The following UNC5D variants were observed in gnomAD, a reference collection of about 807,000 sequenced individuals.
UNC5D encodes the protein unc-5 netrin receptor D.
A neutral mutation model predicts 105.4 loss-of-function variants in UNC5D; 39 were observed. That is an observed-to-expected ratio of 0.37 (90% CI 0.29 to 0.48). The LOEUF (loss-of-function observed/expected upper bound fraction) is 0.48, where lower values mean the gene tolerates loss of function less well. Ranked by LOEUF, UNC5D falls within the 20% of genes least tolerant of loss-of-function variation. The pLI is 0.98. For synonymous variants in UNC5D, 452 were observed against 450.4 expected (o/e 1.00, Z -0.04); for missense variants, 991 against 1,202.4 (o/e 0.82, Z 2.60).
At chr8:35,433,739 C>G (rs1317351638) in intron 1 of UNC5D, among the ~76,000 whole-genome samples, 1 of 151,380 alleles carries the variant, frequency 6.6e-6, no homozygotes, top group East Asian at 2.0e-4. Context: ...ATCCCAGCTA[C>G]TTAGGAGGCT....
chr8:35,536,104 G>A (rs531951691), intron 1 of UNC5D, among the ~76,000 whole-genome samples: 10 of 152,284 alleles, frequency 6.6e-5, no homozygotes, highest in African/African-American at 2.4e-4. Flanking sequence ...AATATTTTGT[G>A]CTTCAAATAC....
intron 4 of UNC5D, among the ~76,000 whole-genome samples, chr8:35,603,349 A>G (rs199719614): frequency 2.0e-5 from 3 of 152,040 alleles, no homozygotes; most frequent in Non-Finnish European, 2.9e-5. Flanking sequence ...GTAGTTGAGC[A>G]GTTTTGAGTG....
At chr8:35,507,610 T>C (rs1300430179) in intron 1 of UNC5D, among the ~76,000 whole-genome samples, 9 of 148,224 alleles carry the variant, frequency 6.1e-5, no homozygotes, top group Non-Finnish European at 1.3e-4. Flanking sequence ...CTGGGAAGAG[T>C]AGTGGGGTGA....
At chr8:35,622,343 AAAACAAAC>A (rs201722040) in intron 4 of UNC5D, among the ~76,000 whole-genome samples, 1 of 152,038 alleles carries the variant, frequency 6.6e-6, no homozygotes, top group South Asian at 2.1e-4. Context: ...ACTCTGTCTC[AAAACAAAC>A]AAACAAACAA....
chr8:35,309,300 C>T (rs145556963), intron 1 of UNC5D, among the ~76,000 whole-genome samples: 213 of 152,266 alleles, frequency 1.4e-3, no homozygotes, highest in African/African-American at 5.0e-3. Flanking sequence ...GATTTCTAGC[C>T]CTACTTCCCC....
chr8:35,747,861 G>T (rs921678317), intron 11 of UNC5D, among the ~76,000 whole-genome samples: 3 of 152,172 alleles, frequency 2.0e-5, no homozygotes, highest in Non-Finnish European at 4.4e-5. Context: ...ACCAGGTTTG[G>T]ATTGAATGAT....
At chr8:35,512,501 T>TAC (rs1334838727) in intron 1 of UNC5D, among the ~76,000 whole-genome samples, 1 of 117,784 alleles carries the variant, frequency 8.5e-6, no homozygotes. Flanking sequence ...TATATATATA[T>TAC]ATATATATCT....
intron 7 of UNC5D, among the ~76,000 whole-genome samples, chr8:35,699,874 T>C (rs1249728924): frequency 6.6e-6 from 1 of 152,178 alleles, no homozygotes; most frequent in Non-Finnish European, 1.5e-5. Flanking sequence ...AAGAGTCAAA[T>C]CTAGAGATGG....
intron 1 of UNC5D, among the ~76,000 whole-genome samples, chr8:35,308,843 T>G (rs1466658818): frequency 1.3e-5 from 2 of 152,116 alleles, no homozygotes; most frequent in Non-Finnish European, 2.9e-5. Flanking sequence ...CATGGTAAAT[T>G]CTGTAAATTG....
Position 35,608,272 on chromosome 8 carries a change from G to A in UNC5D, c.570+12615G>A, listed in dbSNP as rs193161633. ...AAACTAATTCCAAGGAGCAGCTGGG[G>A]CTTTAGGGTAGTTTAAAACAGAAAT... On this transcript the variant is annotated intron_variant, in intron 4 of 16. Transcript: ENST00000404895. Among the ~76,000 whole-genome samples the A allele has an allele frequency of 8.5e-5, 13 of 152,284 alleles. No homozygotes were observed. In the East Asian group the frequency reaches 2.5e-3, roughly 29 times the overall value.
At chr8:35,370,130 CTG>C (rs1802345922) in intron 1 of UNC5D, among the ~76,000 whole-genome samples, 1 of 152,112 alleles carries the variant, frequency 6.6e-6, no homozygotes, top group South Asian at 2.1e-4. Context: ...TAAATTGTAT[CTG>C]TGGTCTTTCA....
intron 1 of UNC5D, among the ~76,000 whole-genome samples, chr8:35,366,021 T>C (rs759301943): frequency 1.3e-5 from 2 of 152,120 alleles, no homozygotes; most frequent in Admixed American, 6.6e-5. Context: ...AAACAAATTA[T>C]AAGACATTTG....
At chr8:35,384,259 T>C (rs565645192) in intron 1 of UNC5D, among the ~76,000 whole-genome samples, 1 of 151,782 alleles carries the variant, frequency 6.6e-6, no homozygotes, top group Middle Eastern at 3.4e-3. Context: ...TAAAATAATA[T>C]GGTCTTATAT....
At chr8:35,408,346 T>G (rs778007280) in intron 1 of UNC5D, among the ~76,000 whole-genome samples, 6 of 151,772 alleles carry the variant, frequency 4.0e-5, no homozygotes, top group Non-Finnish European at 7.4e-5. Context: ...AATATGATGA[T>G]GTAGATATGA....
intron 1 of UNC5D, among the ~76,000 whole-genome samples, chr8:35,502,220 G>C (rs1409759102): frequency 6.6e-6 from 1 of 152,202 alleles, no homozygotes; most frequent in Non-Finnish European, 1.5e-5. Flanking sequence ...CCTACCGAAA[G>C]CACTCAGAGG....
chr8:35,265,542 C>G (rs1284524006), intron 1 of UNC5D, among the ~76,000 whole-genome samples: 1 of 151,936 alleles, frequency 6.6e-6, no homozygotes, highest in Non-Finnish European at 1.5e-5. Flanking sequence ...GTTTGCTGAC[C>G]CTTGCATTAG....
chr8:35,454,907 A>G (rs1432215729), intron 1 of UNC5D, among the ~76,000 whole-genome samples: 1 of 152,194 alleles, frequency 6.6e-6, no homozygotes. Flanking sequence ...TGACTCAGGC[A>G]CAGTTCTCTA....
At chr8:35,258,978 A>T (rs966822924) in intron 1 of UNC5D, among the ~76,000 whole-genome samples, 4 of 152,332 alleles carry the variant, frequency 2.6e-5, no homozygotes, top group African/African-American at 9.6e-5. Flanking sequence ...AAAGCCCGTT[A>T]TCTGGAGAAG....
chr8:35,424,981 G>A (rs1049808833), intron 1 of UNC5D, among the ~76,000 whole-genome samples: 5 of 152,124 alleles, frequency 3.3e-5, no homozygotes, highest in African/African-American at 1.2e-4. Context: ...CATGTACTGG[G>A]CTGAAATTGT....
Sources: allele counts gnomAD v4.1 joint callset (sites outside exome capture counted in the v4.1 genomes callset), GRCh38; gene constraint gnomAD v4.1.1; transcripts MANE v1.5; gene names NCBI Gene and HGNC (gene_info 2026-07-23, HGNC 2026-07-21).